Variants in ABCA12 observed in about 807,000 individuals in gnomAD.
The protein encoded by ABCA12 is glucosylceramide transporter ABCA12.
A neutral mutation model predicts 293.5 loss-of-function variants in ABCA12; 156 were observed. The ratio of observed to expected loss-of-function variants is 0.53; its 90% confidence interval spans 0.47 to 0.61. ABCA12 has a LOEUF of 0.61. Among genes scored for constraint, ABCA12 ranks in the 20% least tolerant of loss-of-function variants. ABCA12 has a pLI of 0.00. For synonymous variants in ABCA12, 1,063 were observed against 1,108.0 expected (o/e 0.96, Z 0.81); for missense variants, 2,797 against 3,090.2 (o/e 0.91, Z 2.25).
At chr2:215,020,292 G>GCACACA (rs55917549) in intron 11 of ABCA12, among the ~76,000 whole-genome samples, 14,618 of 147,940 alleles carry the variant, frequency 0.099, 1,227 homozygotes, top group African/African-American at 0.23. Context: ...GGGAATGTAT[G>GCACACA]CACACACACA....
At chr2:215,048,650 C>T (rs1701253874) in intron 6 of ABCA12, among the ~76,000 whole-genome samples, 1 of 152,124 alleles carries the variant, frequency 6.6e-6, no homozygotes, top group African/African-American at 2.4e-5. Flanking sequence ...TTTCAGTGAG[C>T]TGAGATAGCA....
At chr2:215,005,716 T>C (rs1700239046) in intron 19 of ABCA12, among the ~76,000 whole-genome samples, 1 of 152,354 alleles carries the variant, frequency 6.6e-6, no homozygotes, top group Non-Finnish European at 1.5e-5. Context: ...CAATCAATCA[T>C]ATGACATCTA....
At chr2:215,023,006 G>T (rs940968760) in intron 11 of ABCA12, 1 of 152,158 alleles carries the variant, frequency 6.6e-6, no homozygotes, top group African/African-American at 2.4e-5. Flanking sequence ...AGTTCAAGAA[G>T]AGCAGAATGT....
At chr2:215,029,917 A>C (rs1445738347) in intron 9 of ABCA12, among the ~76,000 whole-genome samples, 1 of 152,224 alleles carries the variant, frequency 6.6e-6, no homozygotes, top group East Asian at 1.9e-4. Context: ...GCTATGAGGA[A>C]AAAGTATTTT....
At chr2:215,094,639 G>A (rs1702213892) in intron 2 of ABCA12, among the ~76,000 whole-genome samples, 1 of 152,044 alleles carries the variant, frequency 6.6e-6, no homozygotes, top group African/African-American at 2.4e-5. Context: ...TCCATCCTTA[G>A]CTACCTTCCC....
At chr2:215,079,798 A>C (rs2372480) in intron 2 of ABCA12, among the ~76,000 whole-genome samples, 73,107 of 151,790 alleles carry the variant, frequency 0.48, 18,827 homozygotes, top group South Asian at 0.68. Context: ...AATGAACAGA[A>C]GCGTTCAATT....
chr2:215,004,094 A>C, intron 20 of ABCA12, 115 bp downstream of exon 20: 13 of 799,604 alleles, frequency 1.6e-5, no homozygotes, highest in Non-Finnish European at 2.3e-5. Context: ...TTCTTTGAGT[A>C]GCTAGCTACA....
intron 11 of ABCA12, among the ~76,000 whole-genome samples, chr2:215,024,091 CT>C (rs1235841886): frequency 1.3e-5 from 2 of 152,182 alleles, no homozygotes; most frequent in African/African-American, 4.8e-5. Flanking sequence ...GACTCTATGT[CT>C]AGAATGCACA....
At chr2:215,008,678 GAATA>G (rs1473775639) in intron 18 of ABCA12, among the ~76,000 whole-genome samples, 1 of 151,816 alleles carries the variant, frequency 6.6e-6, no homozygotes, top group Non-Finnish European at 1.5e-5. Context: ...TGGAGTAATA[GAATA>G]AATTATAGGA....
intron 28 of ABCA12, 129 bp downstream of exon 28, chr2:214,986,413 G>A (rs1699787592): frequency 1.0e-6 from 1 of 989,954 alleles, no homozygotes. Context: ...CATACAAGTT[G>A]AACCATCTTC....
intron 2 of ABCA12, among the ~76,000 whole-genome samples, chr2:215,080,538 A>G (rs1701917227): frequency 6.6e-6 from 1 of 152,114 alleles, no homozygotes; most frequent in African/African-American, 2.4e-5. Flanking sequence ...TCAGAAATTT[A>G]TCATAGGATT....
In ABCA12 at chr2:214,975,891, T is replaced by C. The variant is rs1183687701; in HGVS notation, c.5275A>G (p.Thr1759Ala). The change falls in exon 34 of 53, where the codon ACC becomes GCC. Residue 1759 changes from threonine to alanine, a missense_variant. By Grantham distance (58) the Thr-to-Ala change is moderately conservative. Around this residue, in one of 3 missense-constraint regions of ABCA12, gnomAD observed 2,130 missense variants for 2,427.0 expected, o/e 0.88. Transcript: ENST00000272895. The stretch of plus-strand genomic sequence containing the variant: ...AGTGTGCCAAGGCCCATGGCAGTGG[T>C]AACAAAGACGATGGGGAGGATAACC... ...AQVILPIVFV[T>A]TAMGLGTLRN... is the part of the protein sequence containing the mutation. The C allele has an allele frequency of 1.9e-6, 3 of 1,614,060 alleles. No individual in the cohort carries two copies. The highest frequency in any genetic ancestry group is 4.5e-5 in the East Asian group (2 of 44,874).
At chr2:215,110,470 G>A (rs935584849) in intron 2 of ABCA12, among the ~76,000 whole-genome samples, 18 of 152,174 alleles carry the variant, frequency 1.2e-4, no homozygotes, top group Non-Finnish European at 1.6e-4. Flanking sequence ...AGCCGAAATC[G>A]CGCCACTGCA....
chr2:214,955,002 A>G (rs1242705864), intron 43 of ABCA12, among the ~76,000 whole-genome samples, 200 bp downstream of exon 43: 1 of 152,200 alleles, frequency 6.6e-6, no homozygotes, highest in Non-Finnish European at 1.5e-5. Context: ...TCAGGTGTCA[A>G]TAGTTTTGAC....
intron 26 of ABCA12, among the ~76,000 whole-genome samples, chr2:214,988,252 T>C (rs1053714413): frequency 6.6e-6 from 1 of 152,212 alleles, no homozygotes; most frequent in Non-Finnish European, 1.5e-5. Flanking sequence ...GTTAGTCATA[T>C]AATTTCATAT....
intron 14 of ABCA12, chr2:215,017,746 G>A (rs1700537621): frequency 7.0e-6 from 3 of 428,196 alleles, no homozygotes; most frequent in South Asian, 4.6e-5. Context: ...GAAGCCATCT[G>A]GGGGTAAGGA....
chr2:215,027,727 A>G (rs931549483), intron 9 of ABCA12, among the ~76,000 whole-genome samples: 4 of 152,200 alleles, frequency 2.6e-5, no homozygotes, highest in Non-Finnish European at 4.4e-5. Flanking sequence ...TCTCTTGTCA[A>G]TTGAAAGCTA....
chr2:214,977,448 T>A (rs1272848860), intron 33 of ABCA12, among the ~76,000 whole-genome samples: 1 of 152,204 alleles, frequency 6.6e-6, no homozygotes, highest in African/African-American at 2.4e-5. Context: ...AGAGATTATC[T>A]TTCCTGACTT....
intron 51 of ABCA12, among the ~76,000 whole-genome samples, chr2:214,936,383 A>T (rs1195334671): frequency 2.0e-5 from 3 of 152,190 alleles, no homozygotes; most frequent in Non-Finnish European, 2.9e-5. Context: ...CCTATTTACA[A>T]ATGAGAAAAA....
Sources: gnomAD v4.1 joint callset for allele counts (sites outside exome capture counted in the v4.1 genomes callset) on GRCh38, gnomAD v4.1.1 for gene constraint, gnomAD v4.1.1 regional missense constraint, MANE v1.5 for transcripts, NCBI Gene and HGNC (gene_info 2026-07-23, HGNC 2026-07-21) for gene names.